The following LRRC71 variants were observed in gnomAD, a reference collection of about 807,000 sequenced individuals.
LRRC71 encodes the protein leucine rich repeat containing 71.
Under a neutral mutation model 66.6 loss-of-function variants are expected in LRRC71, and 54 were observed. The observed-to-expected ratio is 0.81, with a 90% CI of 0.65 to 1.02. The LOEUF is 1.02. LRRC71 is among the 50% of genes least tolerant of loss of function. The pLI is 0.00. For synonymous variants in LRRC71, 323 were observed against 303.9 expected (o/e 1.06, Z -0.65); for missense variants, 724 against 718.0 (o/e 1.01, Z -0.10).
At chr1:156,932,631 C>T (rs776619312) in intron 14 of LRRC71, 86 bp downstream of exon 14, 1 of 1,613,424 alleles carries the variant, frequency 6.2e-7, no homozygotes. Context: ...CAGCTTCTGT[C>T]TCCCCATTTC....
chr1:156,938,355 T>C, the LRRC71 span: 1 of 1,508,192 alleles, frequency 6.6e-7, no homozygotes, highest in Non-Finnish European at 9.1e-7. Flanking sequence ...GGTCCGACTC[T>C]GCCCTCACAG....
chr1:156,927,713 C>T lies in LRRC71; in HGVS notation c.823-20C>T, dbSNP rs745753551. ...GCAGGGGCGGCTTGGGCGGCTCACG[C>T]GTCCCTGCCCGCCTCTTAGGGCCTC... On this transcript the variant is annotated intron_variant, in intron 7 of 14. Transcript: ENST00000337428. 5 of 1,606,378 alleles carry T rather than the reference C, an allele frequency of 3.1e-6. No individual in the cohort carries two copies. Among genetic ancestry groups the T allele is most frequent in the Non-Finnish European group, 4.2e-6 (5 of 1,179,320 alleles).
At chr1:156,924,583 T>G in intron 3 of LRRC71, 31 bp downstream of exon 3, 3 of 1,135,352 alleles carry the variant, frequency 2.6e-6, no homozygotes, top group Non-Finnish European at 3.7e-6. Flanking sequence ...CCGCCCCAGC[T>G]CCCTCCCGCT....
chr1:156,936,977 A>G (rs767443951), downstream of LRRC71: 31 of 1,613,896 alleles, frequency 1.9e-5, no homozygotes, highest in Non-Finnish European at 2.5e-5. Context: ...AAGGGACTTG[A>G]GCAGCTCTCT....
intron 2 of LRRC71, 121 bp from the exon 3 acceptor site, chr1:156,924,303 T>TC: frequency 7.2e-7 from 1 of 1,395,810 alleles, no homozygotes; most frequent in Non-Finnish European, 9.6e-7. Context: ...AGAGGCAGAG[T>TC]CCGCAGGCCG....
At chr1:156,928,392 C>CTTCTTCTTCTTCTTCTTCTTCTT (rs1653634905) in intron 9 of LRRC71, among the ~76,000 whole-genome samples, 1 of 138,568 alleles carries the variant, frequency 7.2e-6, no homozygotes, top group East Asian at 2.2e-4. Context: ...TCTTCTTCTT[C>CTTCTTCTTCTTCTTCTTCTTCTT]TTCTTCTTCT....
rs775545233 is a variant in LRRC71, at chr1:156,933,000, G to A, written c.*31G>A. 7 of 1,512,382 alleles carry A rather than the reference G, an allele frequency of 4.6e-6. No individual in the cohort carries two copies. The highest frequency in any genetic ancestry group is 3.6e-5 in the South Asian group (3 of 82,784). The allele number at this position is 1,512,382 out of a possible 1,614,324, so 93.7% of individuals were successfully genotyped here. On this transcript the variant is annotated 3_prime_UTR_variant, in exon 15 of 15. Transcript: ENST00000337428. The stretch of plus-strand genomic sequence containing the variant: ...TCCCACCTGCTTGCCTCTAAGACTC[G>A]GGGCTACAGAAGCACCTCCTGTCCC...
chr1:156,929,476 G>C, intron 10 of LRRC71, 47 bp downstream of exon 10: 1 of 1,611,638 alleles, frequency 6.2e-7, no homozygotes, highest in Non-Finnish European at 8.5e-7. Context: ...GGACAGGGGA[G>C]GGGGCTTCCA....
chr1:156,924,292 G>C, intron 2 of LRRC71, 132 bp from the exon 3 acceptor site: 2 of 1,362,400 alleles, frequency 1.5e-6, no homozygotes, highest in Non-Finnish European at 2.0e-6. Flanking sequence ...CGAGTGGCCG[G>C]AGAGGCAGAG....
At chr1:156,936,650 A>G (rs992755248), downstream of LRRC71, among the ~76,000 whole-genome samples, 4 of 151,530 alleles carry the variant, frequency 2.6e-5, no homozygotes, top group Non-Finnish European at 5.9e-5. Context: ...CTTCTGTGGG[A>G]CTTCCCTAAA....
downstream of LRRC71, among the ~76,000 whole-genome samples, chr1:156,937,788 G>T (rs892932732): frequency 6.6e-6 from 1 of 152,222 alleles, no homozygotes; most frequent in African/African-American, 2.4e-5. Flanking sequence ...AAATTGGAGT[G>T]GCTCCCCCTC....
intron 1 of LRRC71, among the ~76,000 whole-genome samples, chr1:156,923,429 C>G (rs1652694618): frequency 6.6e-6 from 1 of 152,230 alleles, no homozygotes; most frequent in Non-Finnish European, 1.5e-5. Context: ...TCAAACAGCA[C>G]TGGACACTAG....
chr1:156,940,922 G>A, the LRRC71 span, among the ~76,000 whole-genome samples: 3 of 152,158 alleles, frequency 2.0e-5, no homozygotes, highest in Admixed American at 6.5e-5. Flanking sequence ...TATTTCTCAC[G>A]CAAGCTCTCA....
At chr1:156,930,038 T>TTCCTTC (rs1654052153) in intron 11 of LRRC71, among the ~76,000 whole-genome samples, 1 of 140,544 alleles carries the variant, frequency 7.1e-6, no homozygotes, top group Non-Finnish European at 1.5e-5. Context: ...TTCTTTTTCT[T>TTCCTTC]TCTTTCTCTT....
At position 156,924,875 on chromosome 1, in the gene LRRC71, G is replaced by GAGGGTTT. The variant is rs1316413073; in HGVS notation, c.516-62_516-56dup. The GAGGGTTT allele has an allele frequency of 9.8e-6, 15 of 1,535,344 alleles. No individual in the cohort carries two copies. The East Asian group carries it at 3.2e-4, about 33-fold the overall frequency. On this transcript the variant is annotated intron_variant, in intron 4 of 14. Transcript: ENST00000337428. Reference sequence around the variant, plus strand: ...GGCACCGCTGGGAGAACGGTGTGGGGAGGGTTTTCCAGTAGGAGGGGGCGC... The same window carrying GAGGGTTT: ...GGCACCGCTGGGAGAACGGTGTGGGGAGGGTTTAGGGTTTTCCAGTAGGAGGGGGCGC...
Position 156,924,595 on chromosome 1 carries a change from C to G in LRRC71, c.439+43C>G. 6 of 1,551,636 alleles carry G rather than the reference C, an allele frequency of 3.9e-6. No individual in the cohort carries two copies. The South Asian group carries it at 4.8e-5, about 12-fold the overall frequency. On this transcript the variant is annotated intron_variant, in intron 3 of 14. Transcript: ENST00000337428. ...CACCCGCCCCAGCTCCCTCCCGCTC[C>G]CCTGGAGCCTCCCAGGTCTGAGGCA...
At chr1:156,926,014 T>C (rs1653141718) in intron 5 of LRRC71, among the ~76,000 whole-genome samples, 2 of 152,226 alleles carry the variant, frequency 1.3e-5, no homozygotes, top group African/African-American at 4.8e-5. Context: ...CGAGGCAGGC[T>C]GAAAGGTTGA....
chr1:156,924,906 C>T, intron 4 of LRRC71, 32 bp from the exon 5 acceptor site: 1 of 1,550,578 alleles, frequency 6.4e-7, no homozygotes, highest in East Asian at 2.4e-5. Flanking sequence ...GGCGCTCTAG[C>T]TCTGTGTTTC....
chr1:156,921,759 A>C (rs994285378), intron 1 of LRRC71: 2 of 539,086 alleles, frequency 3.7e-6, no homozygotes, highest in Non-Finnish European at 4.7e-6. Flanking sequence ...ACACACACAC[A>C]CACAGACATG....
Sources: allele counts gnomAD v4.1 joint callset (sites outside exome capture counted in the v4.1 genomes callset), GRCh38; gene constraint gnomAD v4.1.1; transcripts MANE v1.5; gene names NCBI Gene and HGNC (gene_info 2026-07-23, HGNC 2026-07-21).